Variants in DGKD observed in about 807,000 individuals in gnomAD.
DGKD encodes diacylglycerol kinase delta.
In DGKD, 68 loss-of-function variants were observed where a neutral mutation model predicts 154.4. That is an observed-to-expected ratio of 0.44 (90% CI 0.36 to 0.54). The LOEUF (loss-of-function observed/expected upper bound fraction) is 0.54, where lower values mean the gene tolerates loss of function less well. Among genes scored for constraint, DGKD ranks in the 20% least tolerant of loss-of-function variants. The pLI, the probability that DGKD is intolerant of heterozygous loss-of-function variation, is 0.00. For missense variants in DGKD, 1,343 were observed against 1,593.6 expected (o/e 0.84, Z 2.68); for synonymous variants, 693 against 638.0 (o/e 1.09, Z -1.30).
At chr2:233,362,831 C>T (rs921562865) in intron 1 of DGKD, among the ~76,000 whole-genome samples, 1 of 152,070 alleles carries the variant, frequency 6.6e-6, no homozygotes, top group South Asian at 2.1e-4. Context: ...CAAAGGTGGT[C>T]CCATAAGATT....
intron 1 of DGKD, among the ~76,000 whole-genome samples, chr2:233,376,915 A>G (rs1425422185): frequency 6.6e-6 from 1 of 151,452 alleles, no homozygotes; most frequent in African/African-American, 2.4e-5. Flanking sequence ...TGTCTCATCT[A>G]CCCTGTTCCC....
intron 3 of DGKD, among the ~76,000 whole-genome samples, chr2:233,394,605 C>G (rs965628246): frequency 1.3e-5 from 2 of 149,524 alleles, no homozygotes. Flanking sequence ...TTTCTTTGTT[C>G]AGAATTTACT....
intron 17 of DGKD, 50 bp from the exon 18 acceptor site, chr2:233,451,914 A>C: frequency 6.7e-7 from 1 of 1,495,456 alleles, no homozygotes; most frequent in Non-Finnish European, 9.3e-7. Flanking sequence ...GCTTCTCCTA[A>C]GGCTGTAGCT....
intron 1 of DGKD, among the ~76,000 whole-genome samples, chr2:233,370,340 A>G (rs1439472395): frequency 3.3e-5 from 5 of 151,870 alleles, no homozygotes; most frequent in Non-Finnish European, 7.4e-5. Flanking sequence ...CAGCCCCCCC[A>G]GTAGCTGGCA....
intron 27 of DGKD, among the ~76,000 whole-genome samples, 197 bp downstream of exon 27, chr2:233,464,480 G>A (rs570095498): frequency 6.6e-6 from 1 of 152,354 alleles, no homozygotes; most frequent in Non-Finnish European, 1.5e-5. Context: ...AGGAGTTCTG[G>A]GCTGGGATTA....
At chr2:233,423,659 G>A (rs535476477) in intron 3 of DGKD, among the ~76,000 whole-genome samples, 5 of 152,244 alleles carry the variant, frequency 3.3e-5, no homozygotes, top group African/African-American at 7.2e-5. Context: ...GCCTAGCTGC[G>A]GCCTGGGAGT....
chr2:233,388,211 G>C, intron 1 of DGKD, 46 bp from the exon 2 acceptor site: 1 of 1,594,308 alleles, frequency 6.3e-7, no homozygotes, highest in Non-Finnish European at 8.5e-7. Context: ...AGAGTGAAAG[G>C]GCACCTTGAA....
At chr2:233,425,685 G>C (rs755442463) in intron 3 of DGKD, among the ~76,000 whole-genome samples, 1 of 152,200 alleles carries the variant, frequency 6.6e-6, no homozygotes, top group Non-Finnish European at 1.5e-5. Flanking sequence ...GTGTCTTAGA[G>C]GTTGTTCCAT....
intron 3 of DGKD, among the ~76,000 whole-genome samples, chr2:233,408,432 G>T (rs955641780): frequency 6.6e-6 from 1 of 152,236 alleles, no homozygotes; most frequent in Non-Finnish European, 1.5e-5. Flanking sequence ...AATTGTATTT[G>T]TGGGTCCCAA....
At chr2:233,465,121 C>T (rs1559186443) in intron 27 of DGKD, among the ~76,000 whole-genome samples, 1 of 152,108 alleles carries the variant, frequency 6.6e-6, no homozygotes, top group African/African-American at 2.4e-5. Context: ...GCACTCCAGC[C>T]GATGGATGAA....
At chr2:233,382,072 A>G (rs1380565539) in intron 1 of DGKD, among the ~76,000 whole-genome samples, 1 of 152,128 alleles carries the variant, frequency 6.6e-6, no homozygotes, top group Admixed American at 6.5e-5. Context: ...TGTCTCTACT[A>G]AAAATACAAA....
intron 3 of DGKD, among the ~76,000 whole-genome samples, chr2:233,422,192 C>T (rs1316595163): frequency 6.6e-6 from 1 of 152,222 alleles, no homozygotes; most frequent in African/African-American, 2.4e-5. Flanking sequence ...GCTGGCCCGC[C>T]CCACCCAGGA....
rs2063566420 is a variant in DGKD at position 233,459,786 on chromosome 2, G to A, written c.2724G>A (p.Gly908=). The change falls in exon 23 of 30, where the codon GGG becomes GGA. Residue 908 remains glycine (G), a synonymous_variant. Coordinates refer to ENST00000264057, the MANE Select transcript of DGKD (RefSeq NM_152879.3). This position sits in a 1 kb window ranked among gnomAD's most constrained non-coding sequence, Gnocchi z 5.7. The stretch of plus-strand genomic sequence containing the variant: ...GCACGGTGAAGATCTCCATCCTTGG[G>A]GATGAGGGCGTGCCTGTGCAGGTGG... ...QCRTVKISIL[G]DEGVPVQVDG... 6.2e-7 allele frequency: 1 copy of A among 1,613,760 alleles called. No individual in the cohort carries two copies. Among genetic ancestry groups the A allele is most frequent in the Non-Finnish European group, 8.5e-7 (1 of 1,179,952 alleles).
chr2:233,463,292 C>T (rs1332457222), intron 26 of DGKD, among the ~76,000 whole-genome samples: 4 of 151,874 alleles, frequency 2.6e-5, no homozygotes, highest in Admixed American at 6.5e-5. Flanking sequence ...CCTCACTGCA[C>T]GCATCACCTC....
At chr2:233,432,319 A>T (rs1170793131) in intron 3 of DGKD, among the ~76,000 whole-genome samples, 1 of 95,208 alleles carries the variant, frequency 1.1e-5, no homozygotes, top group African/African-American at 3.7e-5. Flanking sequence ...AGGTCAGGAG[A>T]TTGTGACCCT....
At chr2:233,409,507 G>GT (rs1051748969) in intron 3 of DGKD, among the ~76,000 whole-genome samples, 134 of 144,974 alleles carry the variant, frequency 9.2e-4, no homozygotes, top group Middle Eastern at 3.6e-3. Flanking sequence ...CGTCTGTCTG[G>GT]TTTTTTTTTT....
chr2:233,429,611 C>T (rs1445778091), intron 3 of DGKD, among the ~76,000 whole-genome samples: 1 of 152,244 alleles, frequency 6.6e-6, no homozygotes, highest in Non-Finnish European at 1.5e-5. Flanking sequence ...AGGAACTTTG[C>T]TCACCATGTT....
At chr2:233,410,984 CT>C (rs989105374) in intron 3 of DGKD, among the ~76,000 whole-genome samples, 16 of 148,088 alleles carry the variant, frequency 1.1e-4, no homozygotes, top group Admixed American at 1.3e-4. Flanking sequence ...GCATGTACTA[CT>C]TTTTTTTTTA....
chr2:233,405,714 C>T (rs1337811847), intron 3 of DGKD, among the ~76,000 whole-genome samples: 4 of 152,122 alleles, frequency 2.6e-5, no homozygotes, highest in African/African-American at 4.8e-5. Flanking sequence ...CTTAGACTTT[C>T]GAACTATGAG....
Sources: allele counts gnomAD v4.1 joint callset (sites outside exome capture counted in the v4.1 genomes callset), GRCh38; gene constraint gnomAD v4.1.1; non-coding constraint Gnocchi (gnomAD v3.1); transcripts MANE v1.5; gene names NCBI Gene and HGNC (gene_info 2026-07-23, HGNC 2026-07-21).